The following ZNF101 variants were observed in gnomAD, a reference collection of about 807,000 sequenced individuals.
ZNF101 encodes zinc finger protein 101.
A neutral mutation model predicts 42.6 loss-of-function variants in ZNF101; 34 were observed. That is an observed-to-expected ratio of 0.80 (90% CI 0.61 to 1.06). ZNF101 has a LOEUF of 1.06. Among genes scored for constraint, ZNF101 ranks in the 50% least tolerant of loss-of-function variants. The probability of loss-of-function intolerance (pLI) is 0.00; values close to 1 mark genes in which losing one functional copy is unlikely to be tolerated. For missense variants in ZNF101, 466 were observed against 530.9 expected (o/e 0.88, Z 1.20); for synonymous variants, 158 against 183.9 (o/e 0.86, Z 1.14).
At chr19:19,675,542 G>T (rs898675572) in intron 1 of ZNF101, among the ~76,000 whole-genome samples, 1 of 151,920 alleles carries the variant, frequency 6.6e-6, no homozygotes, top group African/African-American at 2.4e-5. Flanking sequence ...GTAGACATTT[G>T]TCCACGTAAT....
Position 19,680,658 on chromosome 19 carries a change from A to T in ZNF101, c.*358A>T, listed in dbSNP as rs924153866. ...AAAGCCCCATATCACGTGGTGGCTCATGCCTGTAAAACCAGCACTTTGGGA... is the reference window on the plus strand; with the variant it reads ...AAAGCCCCATATCACGTGGTGGCTCTTGCCTGTAAAACCAGCACTTTGGGA... On this transcript the variant is annotated 3_prime_UTR_variant, in exon 4 of 4. Transcript: ENST00000592502. The T allele has an allele frequency of 1.9e-5, 3 of 156,016 alleles. No homozygotes were observed. Among genetic ancestry groups the T allele is most frequent in the Non-Finnish European group, 4.2e-5 (3 of 71,038 alleles). 9.7% of individuals were successfully genotyped at this position (156,016 alleles called of 1,614,324 possible). A position where few individuals can be genotyped will look rare whatever the true frequency, so the allele number is the denominator to read the frequency against.
In ZNF101 at chr19:19,681,118, A is replaced by T. The variant is rs1037969889; in HGVS notation, c.*818A>T. The T allele has an allele frequency of 6.6e-6, 1 of 152,220 alleles. No individual in the cohort carries two copies. Among genetic ancestry groups the T allele is most frequent in the Non-Finnish European group, 1.5e-5 (1 of 68,040 alleles). 9.4% of individuals were successfully genotyped at this position (152,220 alleles called of 1,614,324 possible). ...ATGACGGTGACACTCTGTCTCAGAA[A>T]AAAAGGGAAAGAAATAATTCTCATT... On this transcript the variant is annotated 3_prime_UTR_variant, in exon 4 of 4. Transcript: ENST00000592502.
In ZNF101 at chr19:19,677,945, T is replaced by C. The variant is rs2062212734; in HGVS notation, c.85T>C (p.Tyr29His). Residue 29 changes from tyrosine (Y) to histidine (H), a missense_variant, in exon 2 of 4, where the codon TAC becomes CAC. Transcript: ENST00000592502. ...GCTGAGTCCTTCCCAGAAGAATCTC[T>C]ACAGAGATGTGACGCTGGAAACCTT... ...ALLSPSQKNL[Y>H]RDVTLETFRN... is the part of the protein sequence containing the mutation. 1 of 1,611,550 alleles carries C rather than the reference T, an allele frequency of 6.2e-7. No individual in the cohort carries two copies. Among genetic ancestry groups the C allele is most frequent in the Non-Finnish European group, 8.5e-7 (1 of 1,178,394 alleles).
intron 1 of ZNF101, among the ~76,000 whole-genome samples, chr19:19,671,762 G>A (rs908114284): frequency 6.6e-6 from 1 of 152,172 alleles, no homozygotes; most frequent in Admixed American, 6.6e-5. Flanking sequence ...GCCTCCCAAA[G>A]TGCTGGGATT....
At position 19,680,686 on chromosome 19, in the gene ZNF101, C is replaced by CA. The variant is rs2062235229; in HGVS notation, c.*386_*387insA. ...CCTGTAAAACCAGCACTTTGGGAAG[C>CA]CGAGGTGGGTGGATCACGAGGTCCA... On this transcript the variant is annotated 3_prime_UTR_variant, in exon 4 of 4. Transcript: ENST00000592502. 6.5e-6 allele frequency: 1 copy of CA among 153,408 alleles called. No homozygotes were observed. Among genetic ancestry groups the CA allele is most frequent in the Non-Finnish European group, 1.4e-5 (1 of 69,410 alleles). 9.5% of individuals were successfully genotyped at this position (153,408 alleles called of 1,614,324 possible).
chr19:19,668,848 C>T lies in ZNF101; in HGVS notation c.-116C>T. The stretch of plus-strand genomic sequence containing the variant: ...TTCCCGCCGGCCCCCCATTCGGGTC[C>T]GGGTTTTAGTTCCTCGGGGAGCCCC... On this transcript the variant is annotated 5_prime_UTR_variant, in exon 1 of 4. Transcript: ENST00000592502. 7.3e-7 allele frequency: 1 copy of T among 1,360,830 alleles called. No homozygotes were observed. 84.3% of individuals were successfully genotyped at this position (1,360,830 alleles called of 1,614,324 possible).
At chr19:19,673,625 T>C (rs994529359) in intron 1 of ZNF101, among the ~76,000 whole-genome samples, 8 of 151,778 alleles carry the variant, frequency 5.3e-5, no homozygotes, top group Non-Finnish European at 1.0e-4. Context: ...CAACATTTTG[T>C]TGTTTTTAGT....
chr19:19,672,154 A>G (rs1338434933), intron 1 of ZNF101: 3 of 148,294 alleles, frequency 2.0e-5, no homozygotes, highest in Non-Finnish European at 3.0e-5. Context: ...TATAAATTTT[A>G]TGTATGATTA....
At chr19:19,671,001 G>T (rs1336980367) in intron 1 of ZNF101, among the ~76,000 whole-genome samples, 1 of 152,210 alleles carries the variant, frequency 6.6e-6, no homozygotes, top group Non-Finnish European at 1.5e-5. Flanking sequence ...AGATATTCTG[G>T]AGGCTGAGGC....
chr19:19,676,912 G>T (rs1340076905), intron 1 of ZNF101: 5 of 152,160 alleles, frequency 3.3e-5, no homozygotes, highest in Admixed American at 3.3e-4. Flanking sequence ...TGGGATTACA[G>T]GTGTGAGTCA....
upstream of ZNF101, chr19:19,668,705 C>T (rs760028813): frequency 4.2e-6 from 2 of 473,972 alleles, no homozygotes; most frequent in East Asian, 3.4e-5. Flanking sequence ...CCTCTCCTGT[C>T]GCTCAAGCCC....
chr19:19,678,060 A>C (rs1228669397), intron 2 of ZNF101, 70 bp downstream of exon 2: 1 of 1,574,972 alleles, frequency 6.3e-7, no homozygotes, highest in Non-Finnish European at 8.7e-7. Flanking sequence ...GTGGTTGCAC[A>C]GTTTGGAATG....
chr19:19,675,110 G>A (rs750495438), intron 1 of ZNF101, among the ~76,000 whole-genome samples: 48 of 151,666 alleles, frequency 3.2e-4, no homozygotes, highest in South Asian at 6.3e-4. Flanking sequence ...ATGAGCCACC[G>A]CGCCCAGCCA....
At chr19:19,676,271 C>G (rs1049899016) in intron 1 of ZNF101, 5 of 151,510 alleles carry the variant, frequency 3.3e-5, no homozygotes, top group African/African-American at 1.2e-4. Flanking sequence ...CCCAGGCCCA[C>G]CATGCCAGGC....
intron 1 of ZNF101, among the ~76,000 whole-genome samples, chr19:19,669,907 A>G (rs956647255): frequency 6.6e-6 from 1 of 151,660 alleles, no homozygotes; most frequent in African/African-American, 2.4e-5. Flanking sequence ...TGACACTCCG[A>G]TGTTAAAAAA....
chr19:19,679,737 G>A lies in ZNF101; in HGVS notation c.748G>A (p.Glu250Lys). ...FQIHVRTHTG[E>K]KPYKCKQCGK... is the part of the protein sequence containing the mutation. ...AATTCATGTTAGAACTCACACTGGA[G>A]AAAAACCTTACAAATGTAAACAATG... Residue 250 changes from glutamate (E) to lysine (K), a missense_variant, in exon 4 of 4, where the codon GAA becomes AAA. Coordinates refer to ENST00000592502, the MANE Select transcript of ZNF101 (RefSeq NM_033204.4). The A allele has an allele frequency of 1.2e-6, 2 of 1,614,072 alleles. No homozygotes were observed. The highest frequency in any genetic ancestry group is 1.7e-6 in the Non-Finnish European group (2 of 1,179,972).
In ZNF101 at chr19:19,681,116, A is replaced by C. The variant is rs1293010890; in HGVS notation, c.*816A>C. 6.6e-6 allele frequency: 1 copy of C among 152,182 alleles called. No individual in the cohort carries two copies. The highest frequency in any genetic ancestry group is 2.4e-5 in the African/African-American group (1 of 41,442). 9.4% of individuals were successfully genotyped at this position (152,182 alleles called of 1,614,324 possible). On this transcript the variant is annotated 3_prime_UTR_variant, in exon 4 of 4. Coordinates refer to ENST00000592502, the MANE Select transcript of ZNF101 (RefSeq NM_033204.4). ...GGATGACGGTGACACTCTGTCTCAG[A>C]AAAAAAGGGAAAGAAATAATTCTCA... is the stretch of plus-strand genomic sequence containing the variant.
At chr19:19,676,975 A>C (rs112865923) in intron 1 of ZNF101, 5 of 152,270 alleles carry the variant, frequency 3.3e-5, no homozygotes, top group African/African-American at 1.2e-4. Flanking sequence ...TATCATTTGG[A>C]AGAAGGGACA....
rs1392489346 is a variant in ZNF101, at chr19:19,681,787, C to T, written c.*1487C>T. 2.0e-5 allele frequency: 3 copies of T among 151,800 alleles called. No individual in the cohort carries two copies. The highest frequency in any genetic ancestry group is 2.9e-5 in the Non-Finnish European group (2 of 67,958). 9.4% of individuals were successfully genotyped at this position (151,800 alleles called of 1,614,324 possible). The stretch of plus-strand genomic sequence containing the variant: ...GTGAGAACATCCACTCGAAAGAAAT[C>T]CTATAAACGTAAGTAATTTTGAAAG... On this transcript the variant is annotated 3_prime_UTR_variant, in exon 4 of 4. Transcript: ENST00000592502.
Sources: gnomAD v4.1 joint callset for allele counts (sites outside exome capture counted in the v4.1 genomes callset) on GRCh38, gnomAD v4.1.1 for gene constraint, MANE v1.5 for transcripts, NCBI Gene and HGNC (gene_info 2026-07-23, HGNC 2026-07-21) for gene names.